The following ZFAND3 variants were observed in gnomAD, a reference collection of about 807,000 sequenced individuals.
The protein encoded by ZFAND3 is zinc finger AN1-type containing 3.
In ZFAND3, 10 loss-of-function variants were observed where a neutral mutation model predicts 29.6. The observed-to-expected ratio is 0.34, with a 90% CI of 0.21 to 0.57. The LOEUF is 0.57. Among genes scored for constraint, ZFAND3 ranks in the 20% least tolerant of loss-of-function variants. The probability of loss-of-function intolerance (pLI) is 0.86; values close to 1 mark genes in which losing one functional copy is unlikely to be tolerated. For synonymous variants in ZFAND3, 128 were observed against 112.6 expected (o/e 1.14, Z -0.87); for missense variants, 230 against 304.5 (o/e 0.76, Z 1.82).
At chr6:38,014,751 C>T (rs1763224779) in intron 2 of ZFAND3, among the ~76,000 whole-genome samples, 1 of 152,104 alleles carries the variant, frequency 6.6e-6, no homozygotes, top group African/African-American at 2.4e-5. Flanking sequence ...ATGGGATTGG[C>T]GGGTGGTCCT....
chr6:38,119,803 G>GC (rs1443843405), intron 5 of ZFAND3, among the ~76,000 whole-genome samples: 8 of 152,158 alleles, frequency 5.3e-5, no homozygotes, highest in Non-Finnish European at 1.0e-4. Flanking sequence ...GCTTCCCTTT[G>GC]ATCTTCAAAA....
chr6:38,025,077 T>C (rs886476031), intron 2 of ZFAND3, among the ~76,000 whole-genome samples: 1 of 152,240 alleles, frequency 6.6e-6, no homozygotes, highest in African/African-American at 2.4e-5. Context: ...AGAGCTACTC[T>C]TCTCAGATTT....
intron 1 of ZFAND3, among the ~76,000 whole-genome samples, chr6:37,924,068 T>A (rs1317587690): frequency 2.0e-5 from 3 of 152,002 alleles, no homozygotes; most frequent in African/African-American, 7.3e-5. Context: ...AAGAAAAAAA[T>A]TTAAGCAGAT....
chr6:38,054,218 CA>C (rs34198332), intron 2 of ZFAND3, among the ~76,000 whole-genome samples: 9,782 of 112,008 alleles, frequency 0.087, 410 homozygotes, highest in African/African-American at 0.15. Flanking sequence ...CCATCTCTAT[CA>C]AAAAAAAAAA....
chr6:38,094,033 A>C (rs1250115326), intron 4 of ZFAND3, among the ~76,000 whole-genome samples: 1 of 152,190 alleles, frequency 6.6e-6, no homozygotes, highest in East Asian at 1.9e-4. Flanking sequence ...TAAGAGTGTA[A>C]GGAAGGACAT....
rs538210732 is a variant in ZFAND3, at chr6:38,055,372, T to G, written c.113-6221T>G. On this transcript the variant is annotated intron_variant, in intron 2 of 5. Transcript: ENST00000287218. The stretch of plus-strand genomic sequence containing the variant: ...GTGCAGGCTGTGAGCTGTTAACATT[T>G]TGGGAAGCTGGGAAGTGGTTGCTTC... Among the ~76,000 whole-genome samples the G allele has an allele frequency of 2.0e-5, 3 of 152,082 alleles. No individual in the cohort carries two copies. The South Asian group carries it at 6.2e-4, about 32-fold the overall frequency.
At chr6:38,127,181 A>G (rs1358287162) in intron 5 of ZFAND3, among the ~76,000 whole-genome samples, 2 of 152,218 alleles carry the variant, frequency 1.3e-5, no homozygotes, top group Non-Finnish European at 2.9e-5. Flanking sequence ...GGTAGAAAAC[A>G]TTGCATTTCA....
chr6:37,966,786 TTAA>T (rs1416787576), intron 2 of ZFAND3, among the ~76,000 whole-genome samples: 1 of 152,136 alleles, frequency 6.6e-6, no homozygotes, highest in Non-Finnish European at 1.5e-5. Context: ...ATCCTCAGGT[TTAA>T]TAATATCTTT....
At chr6:37,849,188 G>A (rs2127378287) in intron 1 of ZFAND3, among the ~76,000 whole-genome samples, 1 of 152,260 alleles carries the variant, frequency 6.6e-6, no homozygotes, top group East Asian at 1.9e-4. Flanking sequence ...GAAGATGGAG[G>A]AGAATGGGAG....
chr6:38,091,222 G>T (rs1424081736), intron 4 of ZFAND3, among the ~76,000 whole-genome samples: 2 of 152,076 alleles, frequency 1.3e-5, no homozygotes, highest in African/African-American at 4.8e-5. Context: ...AGGCTTTGCT[G>T]TTGAGCTTTT....
At position 38,048,046 on chromosome 6, in the gene ZFAND3, C is replaced by G. The variant is rs535620145; in HGVS notation, c.113-13547C>G. Among the ~76,000 whole-genome samples the G allele has an allele frequency of 2.0e-5, 3 of 150,146 alleles. 1 individual carries two copies. Among genetic ancestry groups the G allele is most frequent in the African/African-American group, 7.3e-5 (3 of 40,836 alleles). The stretch of plus-strand genomic sequence containing the variant: ...TTGCGACAGGGTCTCACTCTGTTGT[C>G]CAGGCTGGAGTGCAGTGGTACAGTC... On this transcript the variant is annotated intron_variant, in intron 2 of 5. Coordinates refer to ENST00000287218, the MANE Select transcript of ZFAND3 (RefSeq NM_021943.3).
chr6:38,150,868 A>G (rs1265195755), intron 5 of ZFAND3, among the ~76,000 whole-genome samples: 1 of 152,160 alleles, frequency 6.6e-6, no homozygotes, highest in African/African-American at 2.4e-5. Context: ...GACAGGGAGA[A>G]CAGGTTTAGG....
chr6:38,099,103 C>T (rs1765041888), intron 4 of ZFAND3, among the ~76,000 whole-genome samples: 1 of 152,056 alleles, frequency 6.6e-6, no homozygotes, highest in African/African-American at 2.4e-5. Context: ...CAACTGAGAA[C>T]TCTTCTTTCT....
intron 1 of ZFAND3, among the ~76,000 whole-genome samples, chr6:37,869,289 G>A (rs1014728560): frequency 6.6e-6 from 1 of 151,920 alleles, no homozygotes; most frequent in Non-Finnish European, 1.5e-5. Flanking sequence ...TCAGCCTCCC[G>A]AGTAGCTGGG....
chr6:38,009,569 T>C (rs1763110574), intron 2 of ZFAND3, among the ~76,000 whole-genome samples: 1 of 152,190 alleles, frequency 6.6e-6, no homozygotes. Flanking sequence ...TCTGAACTTT[T>C]ACAGGATCCT....
chr6:37,831,507 G>A (rs956097140), intron 1 of ZFAND3, among the ~76,000 whole-genome samples: 3 of 152,236 alleles, frequency 2.0e-5, no homozygotes, highest in Non-Finnish European at 4.4e-5. Flanking sequence ...CGGTCTAGAA[G>A]GGGAGATGGA....
chr6:37,992,602 A>G (rs1350678053), intron 2 of ZFAND3, among the ~76,000 whole-genome samples: 2 of 152,182 alleles, frequency 1.3e-5, no homozygotes, highest in African/African-American at 4.8e-5. Flanking sequence ...CCCCAAGAAT[A>G]AGGATATTAT....
At chr6:37,978,024 C>T (rs997202543) in intron 2 of ZFAND3, among the ~76,000 whole-genome samples, 1 of 151,854 alleles carries the variant, frequency 6.6e-6, no homozygotes, top group African/African-American at 2.4e-5. Context: ...CTTCCGCCTC[C>T]TGAGTTCAAG....
At chr6:38,005,168 T>G (rs780824245) in intron 2 of ZFAND3, among the ~76,000 whole-genome samples, 1 of 152,206 alleles carries the variant, frequency 6.6e-6, no homozygotes, top group Non-Finnish European at 1.5e-5. Context: ...ATAAATTTCT[T>G]TAGTGCCATT....
Sources: allele counts gnomAD v4.1 joint callset (sites outside exome capture counted in the v4.1 genomes callset), GRCh38; gene constraint gnomAD v4.1.1; transcripts MANE v1.5; gene names NCBI Gene and HGNC (gene_info 2026-07-23, HGNC 2026-07-21).